The following MAP2K4 variants were observed in gnomAD, a reference collection of about 807,000 sequenced individuals.
The protein encoded by MAP2K4 is mitogen-activated protein kinase kinase 4.
Under a neutral mutation model 48.5 loss-of-function variants are expected in MAP2K4, and 4 were observed. That is an observed-to-expected ratio of 0.08 (90% CI 0.04 to 0.19). MAP2K4 has a LOEUF of 0.19. MAP2K4 is among the 10% of genes least tolerant of loss of function. MAP2K4 has a pLI of 1.00. For missense variants in MAP2K4, 258 were observed against 493.3 expected (o/e 0.52, Z 4.52); for synonymous variants, 166 against 173.1 (o/e 0.96, Z 0.32).
chr17:12,028,749 G>C (rs1969338604), intron 1 of MAP2K4, among the ~76,000 whole-genome samples: 1 of 152,138 alleles, frequency 6.6e-6, no homozygotes, highest in African/African-American at 2.4e-5. Context: ...AATGTCCAGG[G>C]AATCAGAAGC....
intron 6 of MAP2K4, 146 bp downstream of exon 6, chr17:12,110,572 C>T: frequency 1.7e-6 from 1 of 599,286 alleles, no homozygotes; most frequent in Non-Finnish European, 2.9e-6. Context: ...TACTTTAAAA[C>T]TCTATTACTG....
At chr17:12,021,734 GAAAAA>G (rs896882494) in intron 1 of MAP2K4, among the ~76,000 whole-genome samples, 1 of 99,984 alleles carries the variant, frequency 1.0e-5, no homozygotes, top group East Asian at 3.1e-4. Flanking sequence ...CGTGCAGGAA[GAAAAA>G]AAAAAAAAAA....
intron 4 of MAP2K4, among the ~76,000 whole-genome samples, 158 bp downstream of exon 4, chr17:12,095,852 A>G (rs896373343): frequency 6.2e-5 from 9 of 146,014 alleles, no homozygotes; most frequent in Non-Finnish European, 1.0e-4. Context: ...TTAACTTCTG[A>G]CTCTTTTTGC....
intron 1 of MAP2K4, among the ~76,000 whole-genome samples, chr17:12,044,017 G>C (rs1053695648): frequency 6.6e-6 from 1 of 152,016 alleles, no homozygotes; most frequent in African/African-American, 2.4e-5. Flanking sequence ...CCCTCTGAGA[G>C]TTACCAGACT....
chr17:12,032,225 AT>A, intron 1 of MAP2K4: 1 of 1,228,410 alleles, frequency 8.1e-7, no homozygotes, highest in Non-Finnish European at 1.1e-6. Flanking sequence ...GGTTTGTTTG[AT>A]TTACAGTAAA....
At position 12,029,529 on chromosome 17, in the gene MAP2K4, A is replaced by C. The variant is rs183163253; in HGVS notation, c.115+8528A>C. Among the ~76,000 whole-genome samples, 3 of 152,308 alleles carry C rather than the reference A, an allele frequency of 2.0e-5. No individual in the cohort carries two copies. In the East Asian group the frequency reaches 5.8e-4, roughly 29 times the overall value. ...TAAAAAAGTGAGGCACACACGACTT[A>C]AAATGTAACCAGTTAACTATCAACA... On this transcript the variant is annotated intron_variant, in intron 1 of 10. Transcript: ENST00000353533.
At chr17:12,058,330 G>T (rs988843664) in intron 2 of MAP2K4, among the ~76,000 whole-genome samples, 60 of 151,496 alleles carry the variant, frequency 4.0e-4, no homozygotes, top group African/African-American at 1.4e-3. Context: ...CTCCCAGAGT[G>T]CTGGGATTAC....
At chr17:12,087,081 AG>A (rs1971391675) in intron 3 of MAP2K4, among the ~76,000 whole-genome samples, 2 of 152,072 alleles carry the variant, frequency 1.3e-5, no homozygotes, top group Admixed American at 1.3e-4. Context: ...TACTGACTTC[AG>A]GTGATCTGCC....
chr17:12,100,546 C>T lies in MAP2K4; in HGVS notation c.513+4852C>T, dbSNP rs1238703825. On this transcript the variant is annotated intron_variant, in intron 4 of 10. Transcript: ENST00000353533. ...GAGCATTTATGTACAATTGTTTGTA[C>T]ATAAGCTTTTATTTTCCTGGGGTAA... Among the ~76,000 whole-genome samples the T allele has an allele frequency of 2.6e-5, 4 of 152,116 alleles. 1 individual carries two copies. The highest frequency in any genetic ancestry group is 5.9e-5 in the Non-Finnish European group (4 of 68,008).
At chr17:12,040,681 A>G (rs1969750568) in intron 1 of MAP2K4, among the ~76,000 whole-genome samples, 1 of 152,180 alleles carries the variant, frequency 6.6e-6, no homozygotes, top group Non-Finnish European at 1.5e-5. Context: ...TGCCTTCCCA[A>G]TACTTGGGAA....
At chr17:12,024,619 A>C (rs1344890831) in intron 1 of MAP2K4, among the ~76,000 whole-genome samples, 1 of 152,220 alleles carries the variant, frequency 6.6e-6, no homozygotes, top group East Asian at 1.9e-4. Flanking sequence ...ATGAGTTTGC[A>C]TTTGAGAGAG....
In MAP2K4 at chr17:12,117,434, C is replaced by T. The variant is rs1168559481; in HGVS notation, c.813+4074C>T. On this transcript the variant is annotated intron_variant, in intron 7 of 10. Transcript: ENST00000353533. ...TAAAAAAAAAAAGACCCTTGTGGCCCCCTTTAGCTGCAATATATCTTTTCC... is the reference window on the plus strand; with the variant it reads ...TAAAAAAAAAAAGACCCTTGTGGCCTCCTTTAGCTGCAATATATCTTTTCC... Among the ~76,000 whole-genome samples the T allele has an allele frequency of 2.6e-5, 4 of 152,120 alleles. No individual in the cohort carries two copies. In the East Asian group the frequency reaches 7.7e-4, roughly 29 times the overall value.
chr17:12,021,577 T>C (rs945225430), intron 1 of MAP2K4: 3 of 140,230 alleles, frequency 2.1e-5, no homozygotes, highest in Non-Finnish European at 4.7e-5. Flanking sequence ...AACCTGCGTT[T>C]TCAAACTTTT....
intron 2 of MAP2K4, among the ~76,000 whole-genome samples, chr17:12,076,279 CTGTGTGTGTGTGTG>C (rs372806903): frequency 0.012 from 1,638 of 135,248 alleles, 17 homozygotes; most frequent in Middle Eastern, 0.053. Context: ...TGTCACAGTT[CTGTGTGTGTGTGTG>C]TGTGTGTGTG....
At chr17:12,089,178 C>A (rs1226591024) in intron 3 of MAP2K4, among the ~76,000 whole-genome samples, 1 of 152,152 alleles carries the variant, frequency 6.6e-6, no homozygotes, top group Non-Finnish European at 1.5e-5. Flanking sequence ...TCCTAAAGTG[C>A]TGGGATTACA....
Position 12,081,473 on chromosome 17 carries a change from T to A in MAP2K4, c.336T>A (p.Ala112=), listed in dbSNP as rs1462844145. ...LKDLGEIGRG[A]YGSVNKMVHK... ...ACCTTGGAGAAATTGGACGAGGAGC[T>A]TATGGTTCTGTCAACAAAATGGTCC... The change falls in exon 3 of 11, where the codon GCT becomes GCA. Residue 112 remains alanine, a synonymous_variant. Coordinates refer to ENST00000353533, the MANE Select transcript of MAP2K4 (RefSeq NM_003010.4). This position sits in a 1 kb window ranked among gnomAD's most constrained non-coding sequence, Gnocchi z 4.2. The A allele has an allele frequency of 6.2e-7, 1 of 1,614,156 alleles. No individual in the cohort carries two copies. The highest frequency in any genetic ancestry group is 1.7e-5 in the Admixed American group (1 of 60,014).
intron 1 of MAP2K4, among the ~76,000 whole-genome samples, chr17:12,047,328 T>A (rs1363766579): frequency 6.6e-6 from 1 of 152,202 alleles, no homozygotes; most frequent in Non-Finnish European, 1.5e-5. Context: ...AAAGCTGGAA[T>A]GAGTGACTAT....
intron 1 of MAP2K4, among the ~76,000 whole-genome samples, chr17:12,043,378 T>C (rs1251420945): frequency 1.3e-5 from 2 of 152,196 alleles, no homozygotes; most frequent in African/African-American, 4.8e-5. Flanking sequence ...ACAGCAACCG[T>C]GTATCCAACA....
chr17:12,051,094 C>T (rs572102771), intron 1 of MAP2K4, among the ~76,000 whole-genome samples: 287 of 152,278 alleles, frequency 1.9e-3, no homozygotes, highest in Middle Eastern at 0.014. Flanking sequence ...TGAGTGGGGA[C>T]AGGACTGCTC....
Sources: gnomAD v4.1 joint callset for allele counts (sites outside exome capture counted in the v4.1 genomes callset) on GRCh38, gnomAD v4.1.1 for gene constraint, Gnocchi (gnomAD v3.1) non-coding constraint, MANE v1.5 for transcripts, NCBI Gene and HGNC (gene_info 2026-07-23, HGNC 2026-07-21) for gene names.